Variants in EXOC6 observed in about 807,000 individuals in gnomAD.
EXOC6 encodes the protein SEC15-like 1.
Under a neutral mutation model 112.5 loss-of-function variants are expected in EXOC6, and 60 were observed. The ratio of observed to expected loss-of-function variants is 0.53; its 90% CI spans 0.43 to 0.66. The LOEUF (loss-of-function observed/expected upper bound fraction) is 0.66. EXOC6 is among the 30% of genes least tolerant of loss of function. The pLI, the probability that EXOC6 is intolerant of heterozygous loss-of-function variation, is 0.00. For synonymous variants in EXOC6, 295 were observed against 308.0 expected (o/e 0.96, Z 0.44); for missense variants, 855 against 957.1 (o/e 0.89, Z 1.41).
intron 4 of EXOC6, among the ~76,000 whole-genome samples, chr10:92,896,163 A>G (rs1564809916): frequency 4.6e-5 from 1 of 21,518 alleles, no homozygotes; most frequent in African/African-American, 2.2e-4. Flanking sequence ...ATATATATAT[A>G]TATATATATA....
chr10:92,865,243 A>G (rs1361745354), intron 1 of EXOC6, among the ~76,000 whole-genome samples: 2 of 152,068 alleles, frequency 1.3e-5, no homozygotes, highest in Admixed American at 6.5e-5. Flanking sequence ...AGTCAAAAAT[A>G]TGAGTATCAG....
intron 4 of EXOC6, among the ~76,000 whole-genome samples, chr10:92,898,642 G>C (rs905617534): frequency 2.0e-5 from 3 of 152,030 alleles, no homozygotes; most frequent in Non-Finnish European, 4.4e-5. Context: ...TAATGCTTTG[G>C]TTGGAAAATG....
chr10:92,980,008 A>G (rs1222375581), intron 18 of EXOC6, among the ~76,000 whole-genome samples: 1 of 152,136 alleles, frequency 6.6e-6, no homozygotes, highest in African/African-American at 2.4e-5. Flanking sequence ...TTCTGGCTAC[A>G]GGAATTAACA....
At chr10:93,035,395 CAA>C (rs1272271733) in intron 20 of EXOC6, among the ~76,000 whole-genome samples, 3 of 152,246 alleles carry the variant, frequency 2.0e-5, no homozygotes, top group African/African-American at 7.2e-5. Context: ...AAACCAAAAA[CAA>C]ACACTGTGAT....
chr10:92,910,593 T>TA (rs1029691268), intron 6 of EXOC6, among the ~76,000 whole-genome samples: 1 of 151,756 alleles, frequency 6.6e-6, no homozygotes, highest in African/African-American at 2.4e-5. Context: ...ACATCTTACT[T>TA]AAAAAAACTA....
At chr10:92,964,636 T>A (rs924011128) in intron 17 of EXOC6, among the ~76,000 whole-genome samples, 7 of 152,226 alleles carry the variant, frequency 4.6e-5, no homozygotes, top group African/African-American at 1.7e-4. Flanking sequence ...TATTATAAGA[T>A]AGTTGTATTA....
intron 20 of EXOC6, among the ~76,000 whole-genome samples, chr10:93,017,871 G>C (rs952936150): frequency 4.0e-5 from 6 of 151,780 alleles, no homozygotes. Context: ...TTAGCTGGGC[G>C]TGGTGGTGCA....
intron 1 of EXOC6, among the ~76,000 whole-genome samples, chr10:92,849,806 C>G (rs1023082585): frequency 6.6e-6 from 1 of 152,144 alleles, no homozygotes; most frequent in Non-Finnish European, 1.5e-5. Context: ...TTTAACCTCT[C>G]TGGATCTCGG....
chr10:92,857,664 C>T (rs563937837), intron 1 of EXOC6, among the ~76,000 whole-genome samples: 1 of 152,196 alleles, frequency 6.6e-6, no homozygotes, highest in South Asian at 2.1e-4. Flanking sequence ...TTGCATGCCA[C>T]CAATACAATT....
chr10:92,852,686 A>G (rs1296086325), intron 1 of EXOC6, among the ~76,000 whole-genome samples: 1 of 152,206 alleles, frequency 6.6e-6, no homozygotes, highest in Non-Finnish European at 1.5e-5. Context: ...ATGATCATAT[A>G]TGTGGAGAAA....
intron 1 of EXOC6, among the ~76,000 whole-genome samples, chr10:92,869,951 T>G: frequency 1.3e-5 from 1 of 76,650 alleles, no homozygotes. Flanking sequence ...CTTGTGGGCT[T>G]TTTTTTTTTT....
chr10:92,828,565 C>T (rs1846421399), intron 1 of EXOC6, among the ~76,000 whole-genome samples: 1 of 151,298 alleles, frequency 6.6e-6, no homozygotes, highest in Non-Finnish European at 1.5e-5. Flanking sequence ...AATTCCTGAC[C>T]TCAGGTGATC....
chr10:92,940,914 A>T (rs1318701313), intron 13 of EXOC6, 90 bp downstream of exon 13: 1 of 848,688 alleles, frequency 1.2e-6, no homozygotes. Flanking sequence ...AAATGCTTAT[A>T]ATCATTTTTA....
At chr10:92,922,296 A>C (rs1348309000) in intron 8 of EXOC6, among the ~76,000 whole-genome samples, 1 of 152,076 alleles carries the variant, frequency 6.6e-6, no homozygotes, top group African/African-American at 2.4e-5. Context: ...TTGTTATTCC[A>C]GTTCTGCCAT....
chr10:92,872,197 C>T (rs565326138), intron 1 of EXOC6, among the ~76,000 whole-genome samples: 1 of 152,166 alleles, frequency 6.6e-6, no homozygotes, highest in East Asian at 1.9e-4. Context: ...GATATATCTT[C>T]CTTATTGCTC....
rs913631472 is a variant in EXOC6, at chr10:93,006,109, G to A, written c.2096-8085G>A. ...TGGAAGGTCAAGGCTGCAGTGAGCCGTGATCATGCCACTGTACTCCCGCCT... is the reference window on the plus strand; with the variant it reads ...TGGAAGGTCAAGGCTGCAGTGAGCCATGATCATGCCACTGTACTCCCGCCT... On this transcript the variant is annotated intron_variant, in intron 19 of 21. Coordinates refer to ENST00000260762, the MANE Select transcript of EXOC6 (RefSeq NM_019053.6). 1.2e-4 allele frequency among the ~76,000 whole-genome samples: 18 copies of A among 152,154 alleles called. 1 individual carries two copies. Among genetic ancestry groups the A allele is most frequent in the Non-Finnish European group, 2.1e-4 (14 of 67,992 alleles).
At chr10:92,992,178 A>G (rs1393401776) in intron 18 of EXOC6, among the ~76,000 whole-genome samples, 1 of 151,038 alleles carries the variant, frequency 6.6e-6, no homozygotes, top group Non-Finnish European at 1.5e-5. Flanking sequence ...AATCCCAGCT[A>G]CTTGGGAGGC....
intron 5 of EXOC6, among the ~76,000 whole-genome samples, chr10:92,904,274 G>T (rs1850326710): frequency 6.6e-6 from 1 of 152,006 alleles, no homozygotes. Context: ...TTTGTGTGCA[G>T]GTTTTATGCA....
rs1850959061 is a variant in EXOC6 at position 92,914,221 on chromosome 10, G to A, written c.664-1537G>A. Among the ~76,000 whole-genome samples the A allele has an allele frequency of 2.0e-5, 3 of 152,158 alleles. No individual in the cohort carries two copies. In the South Asian group the frequency reaches 6.2e-4, roughly 32 times the overall value. On this transcript the variant is annotated intron_variant, in intron 6 of 21. Transcript: ENST00000260762. Reference sequence around the variant, plus strand: ...TGAACTGTGCATGCGGGGCATCTAGGTTGTGCACTCCTTATGAGAATCTAA... The same window carrying A: ...TGAACTGTGCATGCGGGGCATCTAGATTGTGCACTCCTTATGAGAATCTAA...
Sources: gnomAD v4.1 joint callset for allele counts (sites outside exome capture counted in the v4.1 genomes callset) on GRCh38, gnomAD v4.1.1 for gene constraint, MANE v1.5 for transcripts, NCBI Gene and HGNC (gene_info 2026-07-23, HGNC 2026-07-21) for gene names.